Variants in DST observed in about 807,000 individuals in gnomAD.
DST encodes bullous pemphigoid antigen.
DST carries 253 observed loss-of-function variants against 875.2 expected under a neutral mutation model. That is an observed-to-expected ratio of 0.29 (90% CI 0.26 to 0.32). DST has a LOEUF of 0.32. DST is among the 10% of genes least tolerant of loss of function. The probability of loss-of-function intolerance (pLI) is 1.00; values close to 1 mark genes in which losing one functional copy is unlikely to be tolerated. For synonymous variants in DST, 3,124 were observed against 3,197.1 expected, an observed-to-expected ratio of 0.98 and a Z score of 0.77; for missense variants, 8,287 against 9,111.6, an observed-to-expected ratio of 0.91 and a Z score of 3.68.
In DST at chr6:56,463,699, T is replaced by C. The variant is rs781445658; in HGVS notation, c.22825A>G (p.Met7609Val). 3.1e-6 allele frequency: 5 copies of C among 1,613,868 alleles called. No individual in the cohort carries two copies. Among genetic ancestry groups the C allele is most frequent in the South Asian group, 1.1e-5 (1 of 91,090 alleles). ...CGGCCTCGGGGTCGGAAAGCAGCCA[T>C]ACCCTGGCTGGCACCATCTGCTAAA... is the stretch of plus-strand genomic sequence containing the variant. Reference protein sequence around the residue: ...FILADGASQGMAAFRPRGRRS... With the variant: ...FILADGASQGVAAFRPRGRRS... Residue 7609 changes from methionine to valine, a missense_variant, in exon 101 of 104, where the codon ATG becomes GTG. By Grantham distance (21) the Met-to-Val change is conservative. Coordinates refer to ENST00000680361, the MANE Select transcript of DST (RefSeq NM_001374736.1).
At chr6:56,754,082 A>C (rs1464922086) in intron 4 of DST, among the ~76,000 whole-genome samples, 2 of 152,226 alleles carry the variant, frequency 1.3e-5, no homozygotes, top group African/African-American at 2.4e-5. Flanking sequence ...TTTCAATTAC[A>C]AAAGAAATGA....
At chr6:56,903,965 T>C (rs367997625) in intron 2 of DST, among the ~76,000 whole-genome samples, 23 of 152,336 alleles carry the variant, frequency 1.5e-4, no homozygotes, top group African/African-American at 5.3e-4. Flanking sequence ...ACTGCCTTTG[T>C]CACTTCCTAG....
At chr6:56,576,648 A>G (rs761639041) in intron 50 of DST, among the ~76,000 whole-genome samples, 2 of 152,164 alleles carry the variant, frequency 1.3e-5, no homozygotes, top group Admixed American at 6.5e-5. Flanking sequence ...GAGAGTGAGT[A>G]GCAAAAAGAA....
chr6:56,800,291 GGTTT>G (rs967873344), intron 4 of DST, among the ~76,000 whole-genome samples: 80 of 152,260 alleles, frequency 5.3e-4, no homozygotes, highest in African/African-American at 1.6e-3. Flanking sequence ...GTTATTCAAA[GGTTT>G]GTTTTTAACT....
intron 2 of DST, among the ~76,000 whole-genome samples, chr6:56,911,958 C>G (rs1244662342): frequency 6.7e-6 from 1 of 149,654 alleles, no homozygotes; most frequent in Non-Finnish European, 1.5e-5. Flanking sequence ...TATAATTTTT[C>G]TGGTCATTCT....
chr6:56,833,322 T>G (rs1233481492), intron 4 of DST, among the ~76,000 whole-genome samples: 1 of 152,242 alleles, frequency 6.6e-6, no homozygotes, highest in East Asian at 1.9e-4. Flanking sequence ...AAACTGTGTT[T>G]GTGGATACTG....
Position 56,482,795 on chromosome 6 carries a change from C to A in DST, c.21290G>T (p.Arg7097Leu). ...GACCTTGACCCAGGAGGAGTCATCC[C>A]GACTGCCTTCTATGAGTTCTCGGGC... Reference protein sequence around the residue: ...RSARELIEGSRDDSSWVKVQM... With the variant: ...RSARELIEGSLDDSSWVKVQM... Residue 7097 changes from arginine (R) to leucine (L), a missense_variant, in exon 89 of 104, where the codon CGG becomes CTG. By Grantham distance (102) the Arg-to-Leu change is moderately radical (BLOSUM62 -2). Coordinates refer to ENST00000680361, the MANE Select transcript of DST (RefSeq NM_001374736.1). The A allele has an allele frequency of 6.2e-7, 1 of 1,613,742 alleles. No individual in the cohort carries two copies. Among genetic ancestry groups the A allele is most frequent in the African/African-American group, 1.3e-5 (1 of 75,020 alleles).
At chr6:56,476,579 T>C (rs1214927545) in intron 91 of DST, among the ~76,000 whole-genome samples, 2 of 152,312 alleles carry the variant, frequency 1.3e-5, no homozygotes, top group East Asian at 1.9e-4. Flanking sequence ...AGGCTTCCTT[T>C]TGCTTTCTAA....
chr6:56,567,945 T>C (rs147824978), intron 55 of DST, among the ~76,000 whole-genome samples: 123 of 152,308 alleles, frequency 8.1e-4, no homozygotes, highest in African/African-American at 2.7e-3. Context: ...ATGACTTAGA[T>C]TGCGATACAG....
chr6:56,523,893 G>T (rs924182201), intron 69 of DST, among the ~76,000 whole-genome samples: 4 of 152,078 alleles, frequency 2.6e-5, no homozygotes, highest in African/African-American at 7.2e-5. Context: ...ATGACTAAAG[G>T]TGTGTCTAAA....
intron 4 of DST, among the ~76,000 whole-genome samples, chr6:56,833,472 T>C (rs1194442708): frequency 3.3e-5 from 5 of 152,210 alleles, no homozygotes; most frequent in Non-Finnish European, 7.3e-5. Flanking sequence ...CTAAGAGTTT[T>C]TAACTTTCAC....
chr6:56,676,370 T>C (rs1261107173), intron 9 of DST, among the ~76,000 whole-genome samples: 3 of 152,174 alleles, frequency 2.0e-5, no homozygotes, highest in Non-Finnish European at 2.9e-5. Context: ...ACCCAGCTGA[T>C]AGCAAGTTTT....
At chr6:56,725,096 G>C (rs1236171151) in intron 5 of DST, among the ~76,000 whole-genome samples, 2 of 152,162 alleles carry the variant, frequency 1.3e-5, no homozygotes, top group Admixed American at 1.3e-4. Context: ...CTAAGGCCTA[G>C]AAAGGTTCAA....
intron 49 of DST, among the ~76,000 whole-genome samples, chr6:56,585,094 T>C (rs1020997770): frequency 3.9e-5 from 6 of 152,238 alleles, no homozygotes; most frequent in African/African-American, 1.4e-4. Context: ...GGGATCAGGA[T>C]GATGCTGGCC....
rs555473872 is a variant in DST at position 56,916,823 on chromosome 6, C to CACACAG, written c.217-16203_217-16202insCTGTGT. On this transcript the variant is annotated intron_variant, in intron 2 of 103. Transcript: ENST00000680361. ...ACACACACACACACACACACACACA[C>CACACAG]AGAGAGACAGAGAGAGAAAAGCTAT... Among the ~76,000 whole-genome samples the CACACAG allele has an allele frequency of 8.5e-4, 119 of 140,724 alleles. 1 individual carries two copies. The highest frequency in any genetic ancestry group is 2.4e-3 in the African/African-American group (90 of 36,798). 92.3% of individuals were successfully genotyped at this position (140,724 alleles called of 152,430 possible).
chr6:56,665,852 G>C (rs2152819929), intron 10 of DST, among the ~76,000 whole-genome samples: 1 of 152,196 alleles, frequency 6.6e-6, no homozygotes, highest in African/African-American at 2.4e-5. Flanking sequence ...AGTTGAAATT[G>C]TTTTAAAAAT....
chr6:56,708,410 CTAATT>C lies in DST; in HGVS notation c.688-4046_688-4042del, dbSNP rs2152889437. On this transcript the variant is annotated intron_variant, in intron 5 of 103. Transcript: ENST00000680361. ...TTTTAGAAGAAAATGCAGAAATAAA[CTAATT>C]TAACTTCTATAATGCTTGAAAAAAA... is the stretch of plus-strand genomic sequence containing the variant. Among the ~76,000 whole-genome samples the C allele has an allele frequency of 2.0e-5, 3 of 151,574 alleles. No homozygotes were observed. The East Asian group carries it at 5.8e-4, about 29-fold the overall frequency.
At chr6:56,618,251 C>T in intron 36 of DST, 4 of 1,614,060 alleles carry the variant, frequency 2.5e-6, no homozygotes, top group African/African-American at 1.3e-5. Flanking sequence ...TTCAACAACC[C>T]GATGCTGCCA....
Position 56,640,517 on chromosome 6 carries a change from T to C in DST, c.2116A>G (p.Thr706Ala), listed in dbSNP as rs2098884007. Residue 706 changes from threonine to alanine, a missense_variant, in exon 18 of 104, where the codon ACA (threonine) becomes GCA (alanine). Transcript: ENST00000680361. ...GTGATTCCTGATATCATGAGCTTTG[T>C]CTGTTCTGTTGTCAGTATGCGTCCT... ...SKGRILTTEQ[T>A]KLMISGITQS... The C allele has an allele frequency of 2.5e-6, 4 of 1,614,066 alleles. No homozygotes were observed. Among genetic ancestry groups the C allele is most frequent in the Admixed American group, 3.3e-5 (2 of 60,006 alleles).
Sources: gnomAD v4.1 joint callset for allele counts (sites outside exome capture counted in the v4.1 genomes callset) on GRCh38, gnomAD v4.1.1 for gene constraint, MANE v1.5 for transcripts, NCBI Gene and HGNC (gene_info 2026-07-23, HGNC 2026-07-21) for gene names.